JPH1: variants seen among roughly 807,000 people sequenced by gnomAD.
JPH1 encodes junctophilin 1, also known as junctophilin-1.
In JPH1, 12 loss-of-function variants were observed where a neutral mutation model predicts 53.6. The observed-to-expected ratio is 0.22, with a 90% CI of 0.14 to 0.36. The LOEUF (loss-of-function observed/expected upper bound fraction) is 0.36, where lower values mean the gene tolerates loss of function less well. JPH1 is among the 10% of genes least tolerant of loss of function. JPH1 has a pLI of 1.00. For synonymous variants in JPH1, 375 were observed against 363.8 expected (o/e 1.03, Z -0.35); for missense variants, 808 against 905.5 (o/e 0.89, Z 1.38).
chr8:74,290,992 A>G (rs7818271), intron 2 of JPH1, among the ~76,000 whole-genome samples: 40,866 of 152,140 alleles, frequency 0.27, 5,590 homozygotes, highest in Middle Eastern at 0.31. Context: ...AAGATGGATT[A>G]AAGACTTACA....
intron 2 of JPH1, among the ~76,000 whole-genome samples, chr8:74,281,640 C>T (rs937905428): frequency 1.3e-5 from 2 of 152,160 alleles, no homozygotes; most frequent in African/African-American, 4.8e-5. Flanking sequence ...AACTCCAAGC[C>T]TGGGGATCAC....
chr8:74,236,481 G>A lies in JPH1; in HGVS notation c.*570C>T, dbSNP rs1221403388. The A allele has an allele frequency of 6.6e-6, 1 of 152,590 alleles. No individual in the cohort carries two copies. The highest frequency in any genetic ancestry group is 1.5e-5 in the Non-Finnish European group (1 of 68,038). 9.5% of individuals were successfully genotyped at this position (152,590 alleles called of 1,614,324 possible). ...AGGAGATGTTAAAGCAGCAGGTCAT[G>A]GCATAAGACTGGTGAGTGATGCTGC... On this transcript the variant is annotated 3_prime_UTR_variant, in exon 6 of 6. Coordinates refer to ENST00000342232, the MANE Select transcript of JPH1 (RefSeq NM_020647.4).
At chr8:74,294,186 G>C (rs921734397) in intron 2 of JPH1, among the ~76,000 whole-genome samples, 10 of 152,164 alleles carry the variant, frequency 6.6e-5, no homozygotes, top group Non-Finnish European at 1.0e-4. Flanking sequence ...CTAGGGCCTG[G>C]GGACTTCTCT....
intron 2 of JPH1, among the ~76,000 whole-genome samples, chr8:74,281,827 C>T (rs1394967289): frequency 6.6e-6 from 1 of 152,282 alleles, no homozygotes; most frequent in East Asian, 1.9e-4. Flanking sequence ...CTTACAATCA[C>T]TGGTACCACC....
rs1213533502 is a variant in JPH1, at chr8:74,237,286, C to G, written c.1923G>C (p.Met641Ile). The change falls in exon 5 of 6, where the codon ATG becomes ATC. Residue 641 changes from methionine to isoleucine, a missense_variant. Physicochemically the swap from Met to Ile is conservative, Grantham distance 10. This residue lies in a region of JPH1 where 756 missense variants were observed against 811.9 expected (regional missense o/e 0.93). Transcript: ENST00000342232. ...TATTCAACAGCATGACAAGGACAAT[C>G]ATGATTGAATTAGGGCCCTGAAAAT... ...KEANSGPNSI[M>I]IVLVMLLNIG... 6.2e-7 allele frequency: 1 copy of G among 1,613,060 alleles called. No individual in the cohort carries two copies. The highest frequency in any genetic ancestry group is 2.2e-5 in the East Asian group (1 of 44,836).
chr8:74,303,905 C>G (rs927043995), intron 2 of JPH1, among the ~76,000 whole-genome samples: 1 of 152,184 alleles, frequency 6.6e-6, no homozygotes, highest in Non-Finnish European at 1.5e-5. Context: ...TCCAAACTCC[C>G]TCTTATAGGT....
In JPH1 at chr8:74,241,053, A is replaced by AT. The variant is rs538209406; in HGVS notation, c.1905+3475dup. Among the ~76,000 whole-genome samples the AT allele has an allele frequency of 1.5e-4, 23 of 152,204 alleles. No homozygotes were observed. The South Asian group carries it at 2.3e-3, about 15-fold the overall frequency. ...CAAAATGAAAAATACATACATATATATTTTTTTCTTTTGCACGCATACACA... is the reference window on the plus strand; with the variant it reads ...CAAAATGAAAAATACATACATATATATTTTTTTTCTTTTGCACGCATACACA... On this transcript the variant is annotated intron_variant, in intron 4 of 5. Transcript: ENST00000342232.
Position 74,252,778 on chromosome 8 carries a change from A to T in JPH1, c.1258+6607T>A, listed in dbSNP as rs545045344. ...CAGATAAAACAGACTATAAACCAAC[A>T]AAGATCAAAAGAGACAAGGCCATTA... On this transcript the variant is annotated intron_variant, in intron 3 of 5. Transcript: ENST00000342232. Among the ~76,000 whole-genome samples, 15 of 152,240 alleles carry T rather than the reference A, an allele frequency of 9.9e-5. 1 individual carries two copies. The highest frequency in any genetic ancestry group is 3.6e-4 in the African/African-American group (15 of 41,476).
chr8:74,306,977 T>TATAAATGCATAAGCC (rs6150659), intron 2 of JPH1, among the ~76,000 whole-genome samples: 3 of 151,826 alleles, frequency 2.0e-5, no homozygotes, highest in Non-Finnish European at 4.4e-5. Context: ...CATAACTTGA[T>TATAAATGCATAAGCC]ATTTCCTTGC....
intron 2 of JPH1, among the ~76,000 whole-genome samples, chr8:74,309,217 C>T (rs75775302): frequency 3.9e-5 from 6 of 152,172 alleles, no homozygotes; most frequent in Non-Finnish European, 7.3e-5. Flanking sequence ...GGGGAGCCTG[C>T]CCAGCTGTGT....
In JPH1 at chr8:74,234,791, A is replaced by G. The variant is rs2131368839; in HGVS notation, c.*2260T>C. 1 of 152,766 alleles carries G rather than the reference A, an allele frequency of 6.5e-6. No homozygotes were observed. Among genetic ancestry groups the G allele is most frequent in the Non-Finnish European group, 1.5e-5 (1 of 68,032 alleles). The allele number at this position is 152,766 out of a possible 1,614,324, so 9.5% of individuals were successfully genotyped here. Reference sequence around the variant, plus strand: ...TGGTTTCAAGAATTATAAATAAAGGAACTCACAGGTAGGGAGTTCTTTTTC... The same window carrying G: ...TGGTTTCAAGAATTATAAATAAAGGGACTCACAGGTAGGGAGTTCTTTTTC... On this transcript the variant is annotated 3_prime_UTR_variant, in exon 6 of 6. Transcript: ENST00000342232.
At chr8:74,239,605 G>A (rs781358099) in intron 4 of JPH1, among the ~76,000 whole-genome samples, 2 of 152,102 alleles carry the variant, frequency 1.3e-5, no homozygotes, top group Non-Finnish European at 2.9e-5. Context: ...TAGTGGAGAC[G>A]ATCTTTCAAT....
intron 2 of JPH1, among the ~76,000 whole-genome samples, chr8:74,286,658 C>G (rs1807172966): frequency 6.6e-6 from 1 of 152,204 alleles, no homozygotes; most frequent in Non-Finnish European, 1.5e-5. Context: ...GTCTGTAACT[C>G]TATAAAACAT....
In JPH1 at chr8:74,321,141, G is replaced by A. The variant is rs1313670291; in HGVS notation, c.147C>T (p.Val49=). The A allele has an allele frequency of 2.5e-6, 4 of 1,613,420 alleles. No individual in the cohort carries two copies. Among genetic ancestry groups the A allele is most frequent in the Non-Finnish European group, 3.4e-6 (4 of 1,179,802 alleles). The change falls in exon 1 of 6, where the codon GTC becomes GTT. Residue 49 remains valine (V), a synonymous_variant. Coordinates refer to ENST00000342232, the MANE Select transcript of JPH1 (RefSeq NM_020647.4). This position sits in a 1 kb window ranked among gnomAD's most constrained non-coding sequence, Gnocchi z 4.3. ...TGCCGCTGGGCCAGGTGTAGCCTCCGACCACCTCGAAGCCGTGCGACCAGG... is the reference window on the plus strand; with the variant it reads ...TGCCGCTGGGCCAGGTGTAGCCTCCAACCACCTCGAAGCCGTGCGACCAGG... The part of the protein sequence containing the change: ...SGSWSHGFEV[V]GGYTWPSGNT...
chr8:74,267,668 T>C (rs1806573470), intron 2 of JPH1, among the ~76,000 whole-genome samples: 2 of 152,248 alleles, frequency 1.3e-5, no homozygotes, highest in African/African-American at 4.8e-5. Context: ...AGGAAGCAGG[T>C]GTGGGCCACA....
intron 4 of JPH1, among the ~76,000 whole-genome samples, chr8:74,243,011 G>C (rs569196869): frequency 3.9e-5 from 6 of 152,158 alleles, no homozygotes; most frequent in Admixed American, 3.9e-4. Flanking sequence ...AGGACGCTGG[G>C]GCATACACTT....
At chr8:74,291,049 A>G in intron 2 of JPH1, among the ~76,000 whole-genome samples, 1 of 152,184 alleles carries the variant, frequency 6.6e-6, no homozygotes. Context: ...CCTAGGCAAT[A>G]CCATTCAGGA....
chr8:74,314,739 T>C, intron 2 of JPH1, 122 bp downstream of exon 2: 1 of 1,164,956 alleles, frequency 8.6e-7, no homozygotes, highest in Non-Finnish European at 1.2e-6. Context: ...ATTTTTCACC[T>C]TTGATTTTTT....
At chr8:74,240,254 G>C (rs1204894267) in intron 4 of JPH1, among the ~76,000 whole-genome samples, 2 of 152,076 alleles carry the variant, frequency 1.3e-5, no homozygotes, top group Non-Finnish European at 2.9e-5. Context: ...TTACAGGTGT[G>C]GGCTACCGTG....
Sources: allele counts gnomAD v4.1 joint callset (sites outside exome capture counted in the v4.1 genomes callset), GRCh38; gene constraint gnomAD v4.1.1; regional missense constraint gnomAD v4.1.1; non-coding constraint Gnocchi (gnomAD v3.1); transcripts MANE v1.5; gene names NCBI Gene and HGNC (gene_info 2026-07-23, HGNC 2026-07-21).